The following RFX4 variants were observed in gnomAD, a reference collection of about 807,000 sequenced individuals.
RFX4 encodes the protein regulatory factor X4.
RFX4 carries 10 observed loss-of-function variants against 95.0 expected under a neutral mutation model. That is an observed-to-expected ratio of 0.11 (90% CI 0.06 to 0.18). The LOEUF (loss-of-function observed/expected upper bound fraction) is 0.18, where lower values mean the gene tolerates loss of function less well. Among genes scored for constraint, RFX4 ranks in the 10% least tolerant of loss-of-function variants. The probability of loss-of-function intolerance (pLI) is 1.00; values close to 1 mark genes in which losing one functional copy is unlikely to be tolerated. For missense variants in RFX4, 640 were observed against 922.0 expected (o/e 0.69, Z 3.96); for synonymous variants, 321 against 340.7 (o/e 0.94, Z 0.64).
At chr12:106,659,010 A>G (rs1329089951) in intron 4 of RFX4, among the ~76,000 whole-genome samples, 3 of 152,228 alleles carry the variant, frequency 2.0e-5, no homozygotes, top group Non-Finnish European at 4.4e-5. Flanking sequence ...AACAAAAAAT[A>G]GCTTTGCTTT....
intron 8 of RFX4, among the ~76,000 whole-genome samples, chr12:106,706,162 C>T (rs1244243127): frequency 6.6e-6 from 1 of 152,080 alleles, no homozygotes; most frequent in Non-Finnish European, 1.5e-5. Flanking sequence ...ATGCCAGGGG[C>T]GAAGGCCCTG....
chr12:106,700,554 C>G (rs2041968062), intron 8 of RFX4, among the ~76,000 whole-genome samples: 1 of 150,860 alleles, frequency 6.6e-6, no homozygotes, highest in African/African-American at 2.4e-5. Flanking sequence ...CTACAGGCGC[C>G]AGCTACCACG....
intron 2 of RFX4, among the ~76,000 whole-genome samples, chr12:106,629,819 T>C (rs978225030): frequency 6.6e-6 from 1 of 152,196 alleles, no homozygotes; most frequent in African/African-American, 2.4e-5. Context: ...GGTCTCACTA[T>C]GACCCTCCGG....
chr12:106,722,474 G>C (rs1301274103), intron 13 of RFX4, among the ~76,000 whole-genome samples: 1 of 152,200 alleles, frequency 6.6e-6, no homozygotes, highest in Non-Finnish European at 1.5e-5. Flanking sequence ...AAGAAAGCTT[G>C]AGCAGGAGAA....
chr12:106,692,521 A>G (rs1481372117), intron 7 of RFX4, among the ~76,000 whole-genome samples: 1 of 152,202 alleles, frequency 6.6e-6, no homozygotes, highest in African/African-American at 2.4e-5. Flanking sequence ...CAAGGTGCCA[A>G]TGTTCAGAAT....
chr12:106,609,447 C>T (rs1174534461), intron 2 of RFX4, among the ~76,000 whole-genome samples: 1 of 152,126 alleles, frequency 6.6e-6, no homozygotes, highest in Non-Finnish European at 1.5e-5. Flanking sequence ...TGTATTTTTT[C>T]CCTTAAACAC....
intron 13 of RFX4, among the ~76,000 whole-genome samples, chr12:106,723,898 T>C (rs2042441495): frequency 6.6e-6 from 1 of 152,176 alleles, no homozygotes; most frequent in Admixed American, 6.5e-5. Flanking sequence ...AAGTGGCAGA[T>C]TGAATTCAAC....
At chr12:106,640,603 T>C (rs1429086838) in intron 3 of RFX4, among the ~76,000 whole-genome samples, 1 of 152,162 alleles carries the variant, frequency 6.6e-6, no homozygotes, top group East Asian at 1.9e-4. Flanking sequence ...TCATTGCATT[T>C]GCTGCTTTTT....
Position 106,760,994 on chromosome 12 carries a change from C to G in RFX4, c.1936-203C>G, listed in dbSNP as rs537271131. Among the ~76,000 whole-genome samples the G allele has an allele frequency of 2.0e-5, 3 of 152,278 alleles. No homozygotes were observed. The South Asian group carries it at 6.2e-4, about 32-fold the overall frequency. The stretch of plus-strand genomic sequence containing the variant: ...CGCATGAGTAAACACCAGCCCAACT[C>G]AGGCTATGAAATCTTTTGCATTTCT... On this transcript the variant is annotated intron_variant, in intron 17 of 17. Coordinates refer to ENST00000392842, the MANE Select transcript of RFX4 (RefSeq NM_213594.3).
chr12:106,709,201 G>T (rs2042147328), intron 8 of RFX4, 129 bp from the exon 9 acceptor site: 9 of 713,838 alleles, frequency 1.3e-5, no homozygotes, highest in Non-Finnish European at 1.9e-5. Flanking sequence ...TGTCTCTGAG[G>T]TTGCTATTAC....
chr12:106,711,580 A>C, intron 10 of RFX4, 69 bp downstream of exon 10: 3 of 1,300,950 alleles, frequency 2.3e-6, no homozygotes, highest in Non-Finnish European at 3.3e-6. Flanking sequence ...AATCCACAAA[A>C]ACAACCTCCT....
chr12:106,728,699 T>A (rs2042552067), intron 13 of RFX4, among the ~76,000 whole-genome samples: 1 of 152,218 alleles, frequency 6.6e-6, no homozygotes, highest in Non-Finnish European at 1.5e-5. Flanking sequence ...CCTTTTCATT[T>A]TCCTGTCTTC....
chr12:106,730,078 G>A (rs1224873223), intron 13 of RFX4, among the ~76,000 whole-genome samples: 1 of 152,160 alleles, frequency 6.6e-6, no homozygotes, highest in South Asian at 2.1e-4. Flanking sequence ...AAGGACAGGA[G>A]TTTATGGCAG....
chr12:106,670,168 T>C (rs1019261013), intron 4 of RFX4, among the ~76,000 whole-genome samples: 1 of 152,190 alleles, frequency 6.6e-6, no homozygotes, highest in Admixed American at 6.5e-5. Flanking sequence ...CATATCAGTG[T>C]TCCAGCCTTT....
intron 8 of RFX4, among the ~76,000 whole-genome samples, chr12:106,700,627 C>T (rs1263737782): frequency 4.0e-5 from 6 of 150,702 alleles, no homozygotes; most frequent in East Asian, 2.0e-4. Context: ...AGGATGGTCT[C>T]GATCTCCTGA....
chr12:106,747,456 G>T lies in RFX4; in HGVS notation c.1653G>T (p.Thr551=). Residue 551 remains threonine (T), a synonymous_variant, in exon 16 of 18, where the codon ACG becomes ACT. Coordinates refer to ENST00000392842, the MANE Select transcript of RFX4 (RefSeq NM_213594.3). The part of the protein sequence containing the change: ...LSTTGAMQSY[T]WSLTYTVTTA... ...CTGCAGGAGCAATGCAGTCTTACAC[G>T]TGGTCTCTAACATACACAGTGACGA... 1 of 1,614,142 alleles carries T rather than the reference G, an allele frequency of 6.2e-7. No individual in the cohort carries two copies. Among genetic ancestry groups the T allele is most frequent in the Non-Finnish European group, 8.5e-7 (1 of 1,179,998 alleles).
intron 13 of RFX4, among the ~76,000 whole-genome samples, chr12:106,723,455 T>C (rs934567430): frequency 6.6e-6 from 1 of 152,244 alleles, no homozygotes; most frequent in African/African-American, 2.4e-5. Flanking sequence ...TATCTCACTG[T>C]TATGAACATC....
At chr12:106,609,280 G>A (rs547891469) in intron 2 of RFX4, among the ~76,000 whole-genome samples, 118 of 152,314 alleles carry the variant, frequency 7.7e-4, no homozygotes, top group African/African-American at 2.7e-3. Flanking sequence ...AGCCATAAAT[G>A]TCCTTGATAT....
Position 106,715,422 on chromosome 12 carries a change from G to C in RFX4, c.1016G>C (p.Ser339Thr), listed in dbSNP as rs775820050. ...TAGGCATCTCGAACAGTGATCCACA[G>C]TGCAGACATCACGTTCCAAATGCTG... ...LCQASRTVIH[S>T]ADITFQMLED... The change falls in exon 11 of 18, where the codon AGT becomes ACT. Residue 339 changes from serine to threonine, a missense_variant. Coordinates refer to ENST00000392842, the MANE Select transcript of RFX4 (RefSeq NM_213594.3). 2.5e-6 allele frequency: 4 copies of C among 1,614,064 alleles called. No homozygotes were observed. The highest frequency in any genetic ancestry group is 1.6e-4 in the Middle Eastern group (1 of 6,084).
Sources: gnomAD v4.1 joint callset for allele counts (sites outside exome capture counted in the v4.1 genomes callset) on GRCh38, gnomAD v4.1.1 for gene constraint, MANE v1.5 for transcripts, NCBI Gene and HGNC (gene_info 2026-07-23, HGNC 2026-07-21) for gene names.